IL1RAPL2: variants seen among roughly 807,000 people sequenced by gnomAD.
The protein encoded by IL1RAPL2 is X-linked interleukin-1 receptor accessory protein-like 2.
Under a neutral mutation model 44.1 loss-of-function variants are expected in IL1RAPL2, and 3 were observed. The ratio of observed to expected loss-of-function variants is 0.07; its 90% confidence interval spans 0.03 to 0.18. The LOEUF (loss-of-function observed/expected upper bound fraction) is 0.18, where lower values mean the gene tolerates loss of function less well. Ranked by LOEUF, IL1RAPL2 falls within the 10% of genes least tolerant of loss-of-function variation. The pLI is 1.00. For missense variants in IL1RAPL2, 391 were observed against 496.4 expected, an observed-to-expected ratio of 0.79 and a Z score of 2.02; for synonymous variants, 181 against 178.8, an observed-to-expected ratio of 1.01 and a Z score of -0.10.
chrX:104,643,066 C>G, intron 1 of IL1RAPL2, among the ~76,000 whole-genome samples: 1 of 112,099 alleles, frequency 8.9e-6, no homozygotes, highest in East Asian at 2.8e-4. Context: ...AATTTATATT[C>G]TCATTGCCAG....
intron 5 of IL1RAPL2, among the ~76,000 whole-genome samples, chrX:105,364,854 A>G (rs1199570152): frequency 1.8e-5 from 2 of 111,874 alleles, no homozygotes; most frequent in Non-Finnish European, 3.8e-5. Flanking sequence ...AAACAGAGAC[A>G]GTTTCACTTT....
chrX:104,787,693 A>T (rs1029156971), intron 2 of IL1RAPL2, among the ~76,000 whole-genome samples: 3 of 112,024 alleles, frequency 2.7e-5, no homozygotes, highest in Non-Finnish European at 5.6e-5. Context: ...GTAGCTCAAG[A>T]ACCTGTGAGG....
chrX:104,668,911 T>C (rs1361190602), intron 2 of IL1RAPL2, among the ~76,000 whole-genome samples: 1 of 111,192 alleles, frequency 9.0e-6, no homozygotes, highest in African/African-American at 3.3e-5. Flanking sequence ...TTCTTCAGTT[T>C]TTGAGAGCTA....
intron 2 of IL1RAPL2, among the ~76,000 whole-genome samples, chrX:104,661,424 CTG>C (rs1930398582): frequency 9.0e-6 from 1 of 111,022 alleles, no homozygotes; most frequent in South Asian, 3.8e-4. Flanking sequence ...GTGCTTGTCT[CTG>C]TGTGTTTTTT....
intron 1 of IL1RAPL2, among the ~76,000 whole-genome samples, chrX:104,649,101 A>AT (rs924230258): frequency 1.4e-4 from 15 of 107,836 alleles, no homozygotes; most frequent in Non-Finnish European, 2.7e-4. Flanking sequence ...CTCCTCTACG[A>AT]TTTTTTTCCC....
chrX:104,909,247 A>T (rs1236255988), intron 2 of IL1RAPL2, among the ~76,000 whole-genome samples: 1 of 111,314 alleles, frequency 9.0e-6, no homozygotes, highest in Non-Finnish European at 1.9e-5. Flanking sequence ...ACATTCTTCT[A>T]AATTTTTTTC....
Position 105,767,572 on chromosome X carries a change from A to G in IL1RAPL2, c.1972A>G (p.Thr658Ala). 1 of 1,209,535 alleles carries G rather than the reference A, an allele frequency of 8.3e-7. No homozygotes were observed. Among genetic ancestry groups the G allele is most frequent in the South Asian group, 1.8e-5 (1 of 56,890 alleles). The change falls in exon 11 of 11, where the codon ACC (threonine) becomes GCC (alanine). Residue 658 changes from threonine to alanine, a missense_variant. Around this residue, in one of 2 missense-constraint regions of IL1RAPL2, gnomAD observed 232 missense variants for 244.8 expected, o/e 0.95. Coordinates refer to ENST00000372582, the MANE Select transcript of IL1RAPL2 (RefSeq NM_017416.2). Reference protein sequence around the residue: ...LLNGQLPLNNTLKDTQEFHRN... With the variant: ...LLNGQLPLNNALKDTQEFHRN... Reference sequence around the variant, plus strand: ...CAACGGACAGCTACCCCTTAATAACACCCTGAAAGATACCCAGGAATTTCA... The same window carrying G: ...CAACGGACAGCTACCCCTTAATAACGCCCTGAAAGATACCCAGGAATTTCA...
chrX:104,639,594 G>T (rs1929893489), intron 1 of IL1RAPL2, among the ~76,000 whole-genome samples: 1 of 110,998 alleles, frequency 9.0e-6, no homozygotes, highest in African/African-American at 3.3e-5. Context: ...TTGTGTGATT[G>T]CTTTACCAGT....
chrX:104,924,691 T>C (rs1924731406), intron 2 of IL1RAPL2, among the ~76,000 whole-genome samples: 1 of 110,907 alleles, frequency 9.0e-6, no homozygotes, highest in African/African-American at 3.3e-5. Context: ...TGGAATACAA[T>C]AAAAACAGTG....
At chrX:104,902,535 T>C (rs1351683760) in intron 2 of IL1RAPL2, among the ~76,000 whole-genome samples, 1 of 112,182 alleles carries the variant, frequency 8.9e-6, no homozygotes, top group East Asian at 2.8e-4. Flanking sequence ...AAATTCTGTG[T>C]AGATTTAAAA....
chrX:105,143,812 G>A (rs2033150308), intron 2 of IL1RAPL2, among the ~76,000 whole-genome samples: 1 of 110,026 alleles, frequency 9.1e-6, no homozygotes, highest in Non-Finnish European at 1.9e-5. Context: ...ACACAGGAAG[G>A]GGAAAATCAC....
chrX:105,338,269 T>G (rs1327311524), intron 5 of IL1RAPL2, among the ~76,000 whole-genome samples: 1 of 112,036 alleles, frequency 8.9e-6, no homozygotes, highest in Admixed American at 9.5e-5. Context: ...CTGTCAGGAT[T>G]GTAACTAGAA....
In IL1RAPL2 at chrX:104,787,169, C is replaced by A. The variant is rs192754474; in HGVS notation, c.82+128174C>A. On this transcript the variant is annotated intron_variant, in intron 2 of 10. Coordinates refer to ENST00000372582, the MANE Select transcript of IL1RAPL2 (RefSeq NM_017416.2). ...AAAGTTCTGCCCCTCTTGGATTTTACTTTCTAGTATGGAGATAGACAGGAA... is the reference window on the plus strand; with the variant it reads ...AAAGTTCTGCCCCTCTTGGATTTTAATTTCTAGTATGGAGATAGACAGGAA... Among the ~76,000 whole-genome samples, 144 of 111,160 alleles carry A rather than the reference C, an allele frequency of 1.3e-3. 2 individuals are homozygous for A. Among genetic ancestry groups the A allele is most frequent in the African/African-American group, 4.0e-3 (122 of 30,555 alleles).
intron 5 of IL1RAPL2, among the ~76,000 whole-genome samples, chrX:105,299,674 C>T (rs1281756633): frequency 1.8e-5 from 2 of 111,752 alleles, no homozygotes; most frequent in Non-Finnish European, 3.8e-5. Flanking sequence ...TTTTAATTTC[C>T]TATGACCCTA....
chrX:105,634,287 C>CT (rs1408094878), intron 6 of IL1RAPL2, among the ~76,000 whole-genome samples: 2 of 111,057 alleles, frequency 1.8e-5, no homozygotes, highest in Non-Finnish European at 3.8e-5. Context: ...CTCATTAACT[C>CT]TAAGACTAAG....
intron 5 of IL1RAPL2, among the ~76,000 whole-genome samples, chrX:105,360,550 G>T (rs971370160): frequency 9.0e-6 from 1 of 111,184 alleles, no homozygotes; most frequent in African/African-American, 3.3e-5. Flanking sequence ...ATGGGAAGTG[G>T]CATAGGGTGG....
At chrX:104,910,538 G>A (rs761892370) in intron 2 of IL1RAPL2, among the ~76,000 whole-genome samples, 1 of 111,577 alleles carries the variant, frequency 9.0e-6, no homozygotes, top group East Asian at 2.8e-4. Flanking sequence ...CCCCTGACAG[G>A]CACCAGTGTG....
At chrX:105,345,141 C>T (rs1410406429) in intron 5 of IL1RAPL2, among the ~76,000 whole-genome samples, 1 of 111,411 alleles carries the variant, frequency 9.0e-6, no homozygotes, top group African/African-American at 3.3e-5. Flanking sequence ...ACTAATCTAC[C>T]TAGAGACCTA....
intron 2 of IL1RAPL2, among the ~76,000 whole-genome samples, chrX:104,737,390 C>T (rs191065425): frequency 8.9e-5 from 10 of 111,975 alleles, no homozygotes; most frequent in African/African-American, 2.9e-4. Flanking sequence ...GTTATTCATG[C>T]GTATAGGTTC....
Sources: allele counts gnomAD v4.1 joint callset (sites outside exome capture counted in the v4.1 genomes callset), GRCh38; gene constraint gnomAD v4.1.1; regional missense constraint gnomAD v4.1.1; transcripts MANE v1.5; gene names NCBI Gene and HGNC (gene_info 2026-07-23, HGNC 2026-07-21).